Variants in MECOM observed in about 807,000 individuals in gnomAD.
MECOM encodes MDS1 and EVI1 complex locus.
MECOM carries 13 observed loss-of-function variants against 116.3 expected under a neutral mutation model. The ratio of observed to expected loss-of-function variants is 0.11; its 90% CI spans 0.07 to 0.18. The LOEUF (loss-of-function observed/expected upper bound fraction) is 0.18, where lower values mean the gene tolerates loss of function less well. MECOM is among the 10% of genes least tolerant of loss of function. The pLI, the probability that MECOM is intolerant of heterozygous loss-of-function variation, is 1.00. For synonymous variants in MECOM, 528 were observed against 535.2 expected (o/e 0.99, Z 0.19); for missense variants, 1,299 against 1,509.0 (o/e 0.86, Z 2.31).
At chr3:169,560,176 T>G (rs1024015257) in intron 1 of MECOM, among the ~76,000 whole-genome samples, 1 of 152,202 alleles carries the variant, frequency 6.6e-6, no homozygotes, top group Non-Finnish European at 1.5e-5. Flanking sequence ...CAGTAAAATT[T>G]TATTTATAAT....
At position 169,360,683 on chromosome 3, in the gene MECOM, G is replaced by C. The variant is rs147458793; in HGVS notation, c.375+20504C>G. Among the ~76,000 whole-genome samples, 116 of 151,730 alleles carry C rather than the reference G, an allele frequency of 7.6e-4. No homozygotes were observed. The East Asian group carries it at 0.02, about 26-fold the overall frequency. On this transcript the variant is annotated intron_variant, in intron 2 of 16. Coordinates refer to ENST00000651503, the MANE Select transcript of MECOM (RefSeq NM_004991.4). ...AGGCCATTGATGGAGAAGAGCCCAGGGGGGAAAAAAAAGCAAATTCACAGG... is the reference window on the plus strand; with the variant it reads ...AGGCCATTGATGGAGAAGAGCCCAGCGGGGAAAAAAAAGCAAATTCACAGG...
chr3:169,405,749 C>G (rs991301516), intron 1 of MECOM, among the ~76,000 whole-genome samples: 42 of 152,194 alleles, frequency 2.8e-4, no homozygotes, highest in African/African-American at 9.7e-4. Flanking sequence ...AATGTACTAC[C>G]TCTTGAACTC....
intron 2 of MECOM, among the ~76,000 whole-genome samples, chr3:169,156,193 A>G (rs1236689331): frequency 1.3e-5 from 2 of 152,128 alleles, no homozygotes; most frequent in Non-Finnish European, 2.9e-5. Context: ...GAGCTTCACA[A>G]TGAGCACCAA....
rs1577031951 is a variant in MECOM, at chr3:169,121,138, G to A, written c.1050C>T (p.Cys350=). 2 of 1,613,642 alleles carry A rather than the reference G, an allele frequency of 1.2e-6. No homozygotes were observed. The highest frequency in any genetic ancestry group is 1.7e-6 in the Non-Finnish European group (2 of 1,179,838). Residue 350 remains cysteine, a synonymous_variant, in exon 7 of 17, where the codon TGC becomes TGT. Coordinates refer to ENST00000651503, the MANE Select transcript of MECOM (RefSeq NM_004991.4). ...TGGCAAACGTTTTGCCACACTCCGGGCATGCATGGGCCCGGGCACCGACAT... is the reference window on the plus strand; with the variant it reads ...TGGCAAACGTTTTGCCACACTCCGGACATGCATGGGCCCGGGCACCGACAT... The part of the protein sequence containing the change: ...SQHVGARAHA[C]PECGKTFATS...
intron 2 of MECOM, among the ~76,000 whole-genome samples, chr3:169,150,662 A>C (rs995415641): frequency 6.6e-6 from 1 of 152,250 alleles, no homozygotes; most frequent in African/African-American, 2.4e-5. Context: ...ATGATTCATC[A>C]GTGATGTTTA....
intron 1 of MECOM, among the ~76,000 whole-genome samples, chr3:169,465,957 C>T (rs548440155): frequency 9.8e-5 from 15 of 152,324 alleles, no homozygotes; most frequent in African/African-American, 3.6e-4. Flanking sequence ...CACTATGCTA[C>T]TTAGGAACCA....
rs183700951 is a variant in MECOM at position 169,477,329 on chromosome 3, C to T, written c.38-95805G>A. On this transcript the variant is annotated intron_variant, in intron 1 of 16. Coordinates refer to ENST00000651503, the MANE Select transcript of MECOM (RefSeq NM_004991.4). ...AGACCCTCATCAGCTTTTATCTTTG[C>T]GCCCCGTCATTCTCCCATGGGCAAA... 3.4e-4 allele frequency among the ~76,000 whole-genome samples: 51 copies of T among 151,566 alleles called. No individual in the cohort carries two copies. The East Asian group carries it at 3.9e-3, about 12-fold the overall frequency.
chr3:169,243,246 T>C (rs2149557041), intron 2 of MECOM, among the ~76,000 whole-genome samples: 1 of 152,314 alleles, frequency 6.6e-6, no homozygotes, highest in East Asian at 1.9e-4. Context: ...CAAGTGTCAG[T>C]AACAAAGATG....
chr3:169,524,245 T>C (rs540624794), intron 1 of MECOM, among the ~76,000 whole-genome samples: 40 of 152,126 alleles, frequency 2.6e-4, no homozygotes, highest in African/African-American at 9.2e-4. Context: ...CTTTACAACT[T>C]TCCTGTGAGG....
chr3:169,283,771 T>C (rs1001294087), intron 2 of MECOM, among the ~76,000 whole-genome samples: 6 of 152,236 alleles, frequency 3.9e-5, no homozygotes, highest in Admixed American at 6.5e-5. Context: ...AGTTACATAG[T>C]TACCTGGCCT....
intron 2 of MECOM, among the ~76,000 whole-genome samples, chr3:169,163,538 C>T (rs1432459444): frequency 6.6e-6 from 1 of 152,102 alleles, no homozygotes; most frequent in Non-Finnish European, 1.5e-5. Context: ...CATGTAACAA[C>T]TCACTGACTA....
chr3:169,176,622 C>T (rs183137401), intron 2 of MECOM, among the ~76,000 whole-genome samples: 16 of 152,190 alleles, frequency 1.1e-4, no homozygotes, highest in Admixed American at 7.9e-4. Context: ...CAAATGAGAT[C>T]TAATTAAACT....
chr3:169,220,897 A>T (rs1752053406), intron 2 of MECOM, among the ~76,000 whole-genome samples: 1 of 152,200 alleles, frequency 6.6e-6, no homozygotes, highest in African/African-American at 2.4e-5. Flanking sequence ...CTCGAACAAT[A>T]TCCGGCGCAT....
chr3:169,129,183 G>A (rs540990844), intron 4 of MECOM, among the ~76,000 whole-genome samples: 143 of 152,106 alleles, frequency 9.4e-4, no homozygotes, highest in African/African-American at 2.3e-3. Context: ...GAAGGAGGGG[G>A]CACATTTCGG....
rs368317091 is a variant in MECOM, at chr3:169,421,826, G to A, written c.38-40302C>T. 1.4e-4 allele frequency among the ~76,000 whole-genome samples: 21 copies of A among 152,190 alleles called. 1 individual carries two copies. In the East Asian group the frequency reaches 2.3e-3, roughly 17 times the overall value. On this transcript the variant is annotated intron_variant, in intron 1 of 16. Transcript: ENST00000651503. ...GCAACTTCCCCAGAAGGTAAGAGGT[G>A]AGAGCCTGAAGAATAAATAGGTGGA...
intron 2 of MECOM, among the ~76,000 whole-genome samples, chr3:169,335,251 T>G (rs1723413741): frequency 6.6e-6 from 1 of 152,142 alleles, no homozygotes; most frequent in Non-Finnish European, 1.5e-5. Context: ...AGCCTTCAAA[T>G]AAATTGCACT....
At chr3:169,168,262 TG>T (rs1262525157) in intron 2 of MECOM, among the ~76,000 whole-genome samples, 1 of 151,816 alleles carries the variant, frequency 6.6e-6, no homozygotes, top group Non-Finnish European at 1.5e-5. Flanking sequence ...TTGCTCAGGC[TG>T]GACTCAAGTG....
In MECOM at chr3:169,441,131, T is replaced by C. The variant is rs114266119; in HGVS notation, c.38-59607A>G. ...CTGGGTAGACACACGTGTAGCCATT[T>C]CCCAAGCTGGCTGATGTGACAGCTC... On this transcript the variant is annotated intron_variant, in intron 1 of 16. Transcript: ENST00000651503. Among the ~76,000 whole-genome samples, 249 of 152,216 alleles carry C rather than the reference T, an allele frequency of 1.6e-3. 3 individuals are homozygous for C. The highest frequency in any genetic ancestry group is 5.2e-3 in the African/African-American group (215 of 41,536).
chr3:169,267,692 C>T (rs1342101018), intron 2 of MECOM, among the ~76,000 whole-genome samples: 1 of 152,098 alleles, frequency 6.6e-6, no homozygotes, highest in African/African-American at 2.4e-5. Flanking sequence ...TCCATACTCC[C>T]TAGTCCTTCC....
Sources: gnomAD v4.1 joint callset for allele counts (sites outside exome capture counted in the v4.1 genomes callset) on GRCh38, gnomAD v4.1.1 for gene constraint, MANE v1.5 for transcripts, NCBI Gene and HGNC (gene_info 2026-07-23, HGNC 2026-07-21) for gene names.